Variants in SUGCT observed in about 807,000 individuals in gnomAD.
The protein encoded by SUGCT is succinyl-CoA:glutarate CoA-transferase.
In SUGCT, 41 loss-of-function variants were observed where a neutral mutation model predicts 55.0. That is an observed-to-expected ratio of 0.74 (90% CI 0.58 to 0.97). SUGCT has a LOEUF of 0.97. Among genes scored for constraint, SUGCT ranks in the 50% least tolerant of loss-of-function variants. The probability of loss-of-function intolerance (pLI) is 0.00; values close to 1 mark genes in which losing one functional copy is unlikely to be tolerated. For missense variants in SUGCT, 568 were observed against 547.8 expected (o/e 1.04, Z -0.37); for synonymous variants, 187 against 200.4 (o/e 0.93, Z 0.56).
intron 12 of SUGCT, among the ~76,000 whole-genome samples, chr7:40,743,513 A>G (rs1787574376): frequency 6.6e-6 from 1 of 152,228 alleles, no homozygotes; most frequent in Admixed American, 6.5e-5. Context: ...ATAACAGACC[A>G]GTGGTTTCTG....
intron 13 of SUGCT, among the ~76,000 whole-genome samples, chr7:40,761,310 C>T (rs993362210): frequency 2.6e-5 from 4 of 152,282 alleles, no homozygotes; most frequent in East Asian, 1.9e-4. Flanking sequence ...ATGGAGACCA[C>T]GCAGTGTGAA....
At chr7:40,141,657 G>A (rs1034120467) in intron 1 of SUGCT, among the ~76,000 whole-genome samples, 3 of 148,902 alleles carry the variant, frequency 2.0e-5, no homozygotes, top group South Asian at 4.2e-4. Flanking sequence ...AAAAAAAAGT[G>A]TGCTTCTTAT....
At chr7:40,611,548 C>T (rs1388097597) in intron 12 of SUGCT, among the ~76,000 whole-genome samples, 1 of 152,122 alleles carries the variant, frequency 6.6e-6, no homozygotes, top group African/African-American at 2.4e-5. Flanking sequence ...ACACCATGTG[C>T]CCCATTTCTT....
chr7:40,676,504 G>GTTTTTT, intron 12 of SUGCT, among the ~76,000 whole-genome samples: 1 of 129,094 alleles, frequency 7.7e-6, no homozygotes, highest in African/African-American at 3.0e-5. Flanking sequence ...TTTGTTTTTT[G>GTTTTTT]TTTTTTTTTT....
At chr7:40,648,592 G>A (rs1324445423) in intron 12 of SUGCT, among the ~76,000 whole-genome samples, 1 of 152,176 alleles carries the variant, frequency 6.6e-6, no homozygotes, top group Non-Finnish European at 1.5e-5. Flanking sequence ...GTTTACACAA[G>A]GTCATAGTTG....
chr7:40,719,751 C>G (rs115091780), intron 12 of SUGCT, among the ~76,000 whole-genome samples: 48 of 152,112 alleles, frequency 3.2e-4, no homozygotes, highest in African/African-American at 1.1e-3. Flanking sequence ...GACAGGAGTG[C>G]GGAGAGCTTA....
chr7:40,287,627 G>A (rs1026382316), intron 8 of SUGCT, among the ~76,000 whole-genome samples: 58 of 151,986 alleles, frequency 3.8e-4, no homozygotes, highest in Non-Finnish European at 4.4e-5. Flanking sequence ...CCCCTGAGTG[G>A]CTTGGACTAC....
the SUGCT span, among the ~76,000 whole-genome samples, chr7:40,961,875 G>A: frequency 6.6e-6 from 1 of 152,206 alleles, no homozygotes; most frequent in Admixed American, 6.5e-5. Context: ...GGCCTCAGGA[G>A]TGAAGCTGCA....
intron 12 of SUGCT, among the ~76,000 whole-genome samples, chr7:40,719,783 C>T (rs540661382): frequency 6.6e-6 from 1 of 151,936 alleles, no homozygotes; most frequent in Non-Finnish European, 1.5e-5. Context: ...ACTTAGTAGG[C>T]AGAGCACACA....
chr7:41,006,164 C>A, the SUGCT span, among the ~76,000 whole-genome samples: 1 of 152,202 alleles, frequency 6.6e-6, no homozygotes, highest in Admixed American at 6.5e-5. Context: ...ATGATCTTGG[C>A]CTTTCAAGCG....
chr7:40,585,636 A>T lies in SUGCT; in HGVS notation c.1089+89250A>T, dbSNP rs573802079. ...CATCTTACCCCACTTGGCCTCCTAAAGTGTTGGGATTTCAGGCGTGAGCCA... is the reference window on the plus strand; with the variant it reads ...CATCTTACCCCACTTGGCCTCCTAATGTGTTGGGATTTCAGGCGTGAGCCA... On this transcript the variant is annotated intron_variant, in intron 12 of 13. Transcript: ENST00000335693. 5.3e-5 allele frequency among the ~76,000 whole-genome samples: 8 copies of T among 152,120 alleles called. 1 individual carries two copies. The South Asian group carries it at 1.7e-3, about 32-fold the overall frequency.
intron 11 of SUGCT, among the ~76,000 whole-genome samples, chr7:40,471,141 A>G (rs1019655412): frequency 1.3e-5 from 2 of 152,106 alleles, no homozygotes; most frequent in Admixed American, 1.3e-4. Flanking sequence ...ATCAAAATAT[A>G]CAAATATATT....
the SUGCT span, among the ~76,000 whole-genome samples, chr7:40,916,199 T>C: frequency 2.0e-5 from 3 of 152,170 alleles, no homozygotes; most frequent in South Asian, 2.1e-4. Context: ...CCATCACCTG[T>C]TTCTTCTTCT....
intron 9 of SUGCT, among the ~76,000 whole-genome samples, chr7:40,373,264 C>G (rs1784374348): frequency 1.6e-4 from 1 of 6,384 alleles, no homozygotes; most frequent in Non-Finnish European, 4.7e-4. Context: ...TTCCACTTAG[C>G]TATAATAATT....
At chr7:40,986,534 A>G in the SUGCT span, among the ~76,000 whole-genome samples, 1 of 152,170 alleles carries the variant, frequency 6.6e-6, no homozygotes, top group Non-Finnish European at 1.5e-5. Flanking sequence ...TATCGGGTTT[A>G]TTTGTTTGAG....
At chr7:40,341,993 G>C (rs1022103907) in intron 9 of SUGCT, among the ~76,000 whole-genome samples, 1 of 152,210 alleles carries the variant, frequency 6.6e-6, no homozygotes, top group African/African-American at 2.4e-5. Flanking sequence ...AAATACATGT[G>C]AATGTGCCTG....
chr7:40,387,464 C>A (rs117689194), intron 9 of SUGCT, among the ~76,000 whole-genome samples: 1 of 152,230 alleles, frequency 6.6e-6, no homozygotes, highest in Non-Finnish European at 1.5e-5. Context: ...CAGGAAACTA[C>A]CTGAGTCACT....
the SUGCT span, among the ~76,000 whole-genome samples, chr7:40,942,611 G>A: frequency 6.6e-6 from 1 of 152,118 alleles, no homozygotes. Flanking sequence ...TAAATCTCCA[G>A]CAACGCCCAG....
At chr7:40,723,301 C>T (rs1786446172) in intron 12 of SUGCT, among the ~76,000 whole-genome samples, 2 of 152,256 alleles carry the variant, frequency 1.3e-5, no homozygotes, top group South Asian at 4.2e-4. Context: ...GTTTCCTCAG[C>T]AGTTGACACG....
Sources: allele counts gnomAD v4.1 joint callset (sites outside exome capture counted in the v4.1 genomes callset), GRCh38; gene constraint gnomAD v4.1.1; transcripts MANE v1.5; gene names NCBI Gene and HGNC (gene_info 2026-07-23, HGNC 2026-07-21).